Variants in WWP1 observed in about 807,000 individuals in gnomAD.
The protein encoded by WWP1 is WW domain containing E3 ubiquitin protein ligase 1.
A neutral mutation model predicts 130.6 loss-of-function variants in WWP1; 49 were observed. That is an observed-to-expected ratio of 0.38 (90% confidence interval 0.30 to 0.48). The LOEUF (loss-of-function observed/expected upper bound fraction) is 0.48. Among genes scored for constraint, WWP1 ranks in the 20% least tolerant of loss-of-function variants. WWP1 has a pLI of 0.99. For synonymous variants in WWP1, 332 were observed against 367.8 expected, an observed-to-expected ratio of 0.90 and a Z score of 1.11; for missense variants, 809 against 1,100.6, an observed-to-expected ratio of 0.74 and a Z score of 3.75.
intron 17 of WWP1, among the ~76,000 whole-genome samples, chr8:86,441,314 C>T (rs981817712): frequency 6.6e-6 from 1 of 152,194 alleles, no homozygotes; most frequent in Non-Finnish European, 1.5e-5. Flanking sequence ...TACTATGTTA[C>T]AACTGGACTT....
intron 24 of WWP1, among the ~76,000 whole-genome samples, chr8:86,463,805 A>T (rs1811893987): frequency 6.6e-6 from 1 of 152,074 alleles, no homozygotes; most frequent in Admixed American, 6.5e-5. Context: ...TCACACCTGT[A>T]ATCCCAGCAC....
intron 17 of WWP1, chr8:86,440,652 C>T (rs752308058): frequency 5.1e-5 from 23 of 452,726 alleles, no homozygotes; most frequent in South Asian, 3.5e-4. Flanking sequence ...TCCTTAATGT[C>T]AGGGAAGTTT....
At chr8:86,347,477 G>A (rs1184717468) in intron 1 of WWP1, among the ~76,000 whole-genome samples, 1 of 152,162 alleles carries the variant, frequency 6.6e-6, no homozygotes, top group Non-Finnish European at 1.5e-5. Context: ...TTAGTTAAGA[G>A]CTGTATGTGA....
At chr8:86,440,237 A>T (rs1428393645) in intron 17 of WWP1, among the ~76,000 whole-genome samples, 1 of 152,158 alleles carries the variant, frequency 6.6e-6, no homozygotes, top group African/African-American at 2.4e-5. Flanking sequence ...TCTAAGTTTT[A>T]TATTTTGATA....
chr8:86,405,706 A>AT (rs1006572424), intron 8 of WWP1, among the ~76,000 whole-genome samples: 11 of 151,946 alleles, frequency 7.2e-5, no homozygotes, highest in African/African-American at 2.7e-4. Context: ...TAATATTAAG[A>AT]TTTTTTGTAG....
intron 9 of WWP1, among the ~76,000 whole-genome samples, chr8:86,416,343 T>A (rs1808884866): frequency 6.6e-6 from 1 of 152,146 alleles, no homozygotes; most frequent in African/African-American, 2.4e-5. Context: ...TAGATTGTTT[T>A]GTAAAATGGA....
chr8:86,405,993 C>T (rs1389846027), intron 8 of WWP1, among the ~76,000 whole-genome samples: 1 of 152,196 alleles, frequency 6.6e-6, no homozygotes, highest in Non-Finnish European at 1.5e-5. Flanking sequence ...ACCTCCCCCA[C>T]CTCCTGTTCT....
chr8:86,372,628 A>C (rs928041340), intron 2 of WWP1, among the ~76,000 whole-genome samples: 4 of 152,230 alleles, frequency 2.6e-5, no homozygotes, highest in Admixed American at 2.0e-4. Context: ...GTAGGGGTCC[A>C]GTTTCATTTT....
chr8:86,391,900 A>C (rs940684170), intron 5 of WWP1, among the ~76,000 whole-genome samples: 3 of 152,156 alleles, frequency 2.0e-5, no homozygotes, highest in Admixed American at 2.0e-4. Flanking sequence ...CTTGAGAAAG[A>C]CACTCACATG....
chr8:86,346,738 A>T (rs1586223845), intron 1 of WWP1, among the ~76,000 whole-genome samples: 1 of 152,210 alleles, frequency 6.6e-6, no homozygotes, highest in Non-Finnish European at 1.5e-5. Flanking sequence ...AAAATATGAT[A>T]CAATTATAAT....
At chr8:86,363,081 G>A (rs1279854321) in intron 1 of WWP1, among the ~76,000 whole-genome samples, 1 of 152,066 alleles carries the variant, frequency 6.6e-6, no homozygotes, top group East Asian at 1.9e-4. Flanking sequence ...CACAAATTTA[G>A]TTACAGATCA....
intron 3 of WWP1, 71 bp downstream of exon 3, chr8:86,374,191 C>A: frequency 1.6e-6 from 2 of 1,242,646 alleles, no homozygotes; most frequent in Non-Finnish European, 2.3e-6. Context: ...ATTCAGCAGA[C>A]TTATTCCAGA....
rs1032013216 is a variant in WWP1, at chr8:86,342,651, A to G, written c.-394A>G. ...AGGGCGCGGCGCCGGCGACGCGGCC[A>G]CGCGGCGCGCTCCCGAGGAAGGGAG... On this transcript the variant is annotated 5_prime_UTR_variant, in exon 1 of 25. Transcript: ENST00000517970. The G allele has an allele frequency of 2.0e-3, 505 of 254,658 alleles. 1 individual carries two copies. The highest frequency in any genetic ancestry group is 2.8e-3 in the Non-Finnish European group (396 of 139,166). 15.8% of individuals were successfully genotyped at this position (254,658 alleles called of 1,614,324 possible). A position where few individuals can be genotyped will look rare whatever the true frequency, so the allele number is the denominator to read the frequency against.
chr8:86,400,864 C>T (rs1323727601), intron 7 of WWP1, among the ~76,000 whole-genome samples: 1 of 152,086 alleles, frequency 6.6e-6, no homozygotes, highest in African/African-American at 2.4e-5. Flanking sequence ...TGTTGGCTAA[C>T]CAGGAGAGTG....
intron 20 of WWP1, among the ~76,000 whole-genome samples, chr8:86,452,132 G>A (rs993214216): frequency 1.3e-5 from 2 of 151,900 alleles, no homozygotes; most frequent in Non-Finnish European, 2.9e-5. Context: ...GAGTCCTCAG[G>A]TCTGTCACGG....
In WWP1 at chr8:86,466,802, G is replaced by T; in HGVS notation, c.2678G>T (p.Arg893Leu). ...TTTTTGTTTCTGTTCAGTTTTAATC[G>T]CTTGGATCTACCACCATATAAGAGT... is the stretch of plus-strand genomic sequence containing the variant. ...WLPRSHTCFN[R>L]LDLPPYKSYE... The change falls in exon 25 of 25, where the codon CGC (arginine) becomes CTC (leucine). Residue 893 changes from arginine to leucine, a missense_variant. By Grantham distance (102) the Arg-to-Leu change is moderately radical. Transcript: ENST00000517970. The T allele has an allele frequency of 1.3e-6, 2 of 1,571,304 alleles. No individual in the cohort carries two copies. The highest frequency in any genetic ancestry group is 1.7e-6 in the Non-Finnish European group (2 of 1,165,314).
intron 5 of WWP1, among the ~76,000 whole-genome samples, chr8:86,393,220 T>G (rs557167964): frequency 6.6e-6 from 1 of 152,288 alleles, no homozygotes; most frequent in East Asian, 1.9e-4. Context: ...TTTATTTATT[T>G]TTTTGAGACA....
At chr8:86,410,715 T>C (rs1022265474) in intron 8 of WWP1, among the ~76,000 whole-genome samples, 26 of 151,382 alleles carry the variant, frequency 1.7e-4, no homozygotes, top group African/African-American at 6.3e-4. Context: ...TTTTTTTTTT[T>C]TTTTCTGTAT....
Position 86,416,225 on chromosome 8 carries a change from A to G in WWP1, c.1061+4351A>G, listed in dbSNP as rs149793852. On this transcript the variant is annotated intron_variant, in intron 9 of 24. Coordinates refer to ENST00000517970, the MANE Select transcript of WWP1 (RefSeq NM_007013.4). ...GAGAGGGGAGGAAGTGTGATAGAGG[A>G]CTCTTTGGAAGCATGTGAACTAATG... 2.0e-3 allele frequency among the ~76,000 whole-genome samples: 304 copies of G among 152,174 alleles called. 3 individuals carry two copies. Among genetic ancestry groups the G allele is most frequent in the Middle Eastern group, 6.8e-3 (2 of 294 alleles).
Sources: gnomAD v4.1 joint callset for allele counts (sites outside exome capture counted in the v4.1 genomes callset) on GRCh38, gnomAD v4.1.1 for gene constraint, MANE v1.5 for transcripts, NCBI Gene and HGNC (gene_info 2026-07-23, HGNC 2026-07-21) for gene names.